The following NUP93 variants were observed in gnomAD, a reference collection of about 807,000 sequenced individuals.
NUP93 encodes nuclear pore complex protein Nup93.
In NUP93, 55 loss-of-function variants were observed where a neutral mutation model predicts 107.8. The observed-to-expected ratio is 0.51, with a 90% CI of 0.41 to 0.64. The LOEUF is 0.64. Ranked by LOEUF, NUP93 falls within the 30% of genes least tolerant of loss-of-function variation. The pLI, the probability that NUP93 is intolerant of heterozygous loss-of-function variation, is 0.00. For synonymous variants in NUP93, 390 were observed against 397.5 expected, an observed-to-expected ratio of 0.98 and a Z score of 0.22; for missense variants, 937 against 1,044.7, an observed-to-expected ratio of 0.90 and a Z score of 1.42.
chr16:56,789,156 C>G (rs1206821758), intron 3 of NUP93, among the ~76,000 whole-genome samples: 1 of 152,108 alleles, frequency 6.6e-6, no homozygotes, highest in Non-Finnish European at 1.5e-5. Flanking sequence ...TATATCACAG[C>G]TGTAATGGCA....
At chr16:56,731,995 T>G (rs1402284391) in intron 1 of NUP93, among the ~76,000 whole-genome samples, 1 of 152,192 alleles carries the variant, frequency 6.6e-6, no homozygotes, top group Non-Finnish European at 1.5e-5. Flanking sequence ...GACCCACTGT[T>G]ACTTTCCCAG....
intron 21 of NUP93, among the ~76,000 whole-genome samples, chr16:56,842,069 ACAAAT>A (rs1245134757): frequency 6.6e-6 from 1 of 152,266 alleles, no homozygotes; most frequent in Non-Finnish European, 1.5e-5. Flanking sequence ...TTACCTTTTA[ACAAAT>A]CAAACAGAAT....
chr16:56,748,032 T>G (rs1221773031), intron 1 of NUP93: 5 of 423,716 alleles, frequency 1.2e-5, no homozygotes, highest in Non-Finnish European at 1.7e-5. Context: ...AGAAATGATC[T>G]GTTTTTTCAC....
chr16:56,759,716 C>A (rs1425284824), intron 3 of NUP93, among the ~76,000 whole-genome samples: 1 of 151,864 alleles, frequency 6.6e-6, no homozygotes, highest in South Asian at 2.1e-4. Context: ...TAGCCCCCCT[C>A]CCCCGTACAA....
chr16:56,757,214 T>A (rs1265833196), intron 2 of NUP93, among the ~76,000 whole-genome samples: 1 of 152,230 alleles, frequency 6.6e-6, no homozygotes, highest in Non-Finnish European at 1.5e-5. Context: ...CCTGTAGGTG[T>A]TAGGGTTACA....
chr16:56,807,773 A>G (rs1184207580), intron 5 of NUP93, among the ~76,000 whole-genome samples: 1 of 151,946 alleles, frequency 6.6e-6, no homozygotes, highest in Non-Finnish European at 1.5e-5. Flanking sequence ...CTATAATCCC[A>G]GCATGTTGGG....
chr16:56,737,268 T>G (rs1482353070), intron 1 of NUP93, among the ~76,000 whole-genome samples: 1 of 152,138 alleles, frequency 6.6e-6, no homozygotes, highest in East Asian at 1.9e-4. Context: ...CAGTGTGTAG[T>G]CAAGACCTTT....
At chr16:56,808,558 AT>A (rs1963226166) in intron 5 of NUP93, among the ~76,000 whole-genome samples, 1 of 124,134 alleles carries the variant, frequency 8.1e-6, no homozygotes, top group African/African-American at 3.3e-5. Context: ...ATATATAAAA[AT>A]ATATAAATAC....
At chr16:56,746,175 G>A (rs777725987) in intron 1 of NUP93, among the ~76,000 whole-genome samples, 1 of 152,106 alleles carries the variant, frequency 6.6e-6, no homozygotes, top group Non-Finnish European at 1.5e-5. Context: ...GTGGGGTGGG[G>A]TTCTGGAGAA....
In NUP93 at chr16:56,824,806, T is replaced by TCAGA. The variant is rs200683298; in HGVS notation, c.794+963_794+966dup. 4.3e-3 allele frequency among the ~76,000 whole-genome samples: 654 copies of TCAGA among 152,294 alleles called. 6 individuals carry two copies. Among genetic ancestry groups the TCAGA allele is most frequent in the African/African-American group, 0.015 (606 of 41,562 alleles). ...ATGAGAGCTACTGAAATGAACACCATCAGACACATTACATTCACTAGCTTC... is the reference window on the plus strand; with the variant it reads ...ATGAGAGCTACTGAAATGAACACCATCAGACAGACACATTACATTCACTAGCTTC... On this transcript the variant is annotated intron_variant, in intron 8 of 21. Transcript: ENST00000308159.
intron 21 of NUP93, among the ~76,000 whole-genome samples, 186 bp from the exon 22 acceptor site, chr16:56,844,313 A>G (rs1964081647): frequency 6.6e-6 from 1 of 152,144 alleles, no homozygotes; most frequent in Admixed American, 6.5e-5. Context: ...GAGCTTTGTT[A>G]ACTTTGTGTT....
At position 56,818,687 on chromosome 16, in the gene NUP93, A is replaced by C; in HGVS notation, c.513A>C (p.Gly171=). The change falls in exon 6 of 22, where the codon GGA becomes GGC. Residue 171 remains glycine (G), a synonymous_variant. Transcript: ENST00000308159. ...AGCCAAGCTACATCAGTGATGTGGG[A>C]CCCCCTGGTCGAAGCTCTCTGGATA... The part of the protein sequence containing the change: ...ESEPSYISDV[G]PPGRSSLDNI... 1 of 1,613,884 alleles carries C rather than the reference A, an allele frequency of 6.2e-7. No individual in the cohort carries two copies. The highest frequency in any genetic ancestry group is 8.5e-7 in the Non-Finnish European group (1 of 1,179,924).
At chr16:56,836,483 C>T in intron 16 of NUP93, 118 bp from the exon 17 acceptor site, 2 of 676,006 alleles carry the variant, frequency 3.0e-6, no homozygotes, top group Admixed American at 4.7e-5. Context: ...ATGCGTTGCC[C>T]AGGGCAAGCA....
intron 4 of NUP93, among the ~76,000 whole-genome samples, chr16:56,800,178 G>C (rs1962990370): frequency 6.6e-6 from 1 of 152,102 alleles, no homozygotes; most frequent in Non-Finnish European, 1.5e-5. Context: ...GTGAGACTCT[G>C]TCTCAAAAAA....
intron 3 of NUP93, among the ~76,000 whole-genome samples, chr16:56,796,073 A>G (rs1375289708): frequency 6.6e-6 from 1 of 152,172 alleles, no homozygotes; most frequent in Non-Finnish European, 1.5e-5. Flanking sequence ...TACGTAAGGA[A>G]TCTGGGAAAT....
chr16:56,735,391 C>A (rs1432760826), intron 1 of NUP93, among the ~76,000 whole-genome samples: 1 of 152,158 alleles, frequency 6.6e-6, no homozygotes, highest in African/African-American at 2.4e-5. Flanking sequence ...TGGCACAGAG[C>A]AGGACATGTG....
At chr16:56,748,683 A>G (rs909599540) in intron 2 of NUP93, among the ~76,000 whole-genome samples, 1 of 152,062 alleles carries the variant, frequency 6.6e-6, no homozygotes, top group Non-Finnish European at 1.5e-5. Flanking sequence ...AGGGGGTGAA[A>G]GAGCCCTGTC....
chr16:56,791,601 T>G (rs1298751913), intron 3 of NUP93, among the ~76,000 whole-genome samples: 2 of 152,220 alleles, frequency 1.3e-5, no homozygotes, highest in Non-Finnish European at 2.9e-5. Context: ...AACCCAGAGT[T>G]TGCATGATAG....
At chr16:56,770,415 C>A (rs1204178631) in intron 3 of NUP93, among the ~76,000 whole-genome samples, 2 of 152,158 alleles carry the variant, frequency 1.3e-5, no homozygotes, top group African/African-American at 4.8e-5. Context: ...TGTGTTTTCA[C>A]CCCTTGAGTT....
Sources: allele counts gnomAD v4.1 joint callset (sites outside exome capture counted in the v4.1 genomes callset), GRCh38; gene constraint gnomAD v4.1.1; transcripts MANE v1.5; gene names NCBI Gene and HGNC (gene_info 2026-07-23, HGNC 2026-07-21).